The following DDX19A variants were observed in gnomAD, a reference collection of about 807,000 sequenced individuals.
DDX19A encodes ATP-dependent RNA helicase DDX19A.
DDX19A carries 12 observed loss-of-function variants against 60.6 expected under a neutral mutation model. The observed-to-expected ratio is 0.20, with a 90% CI of 0.13 to 0.32. The LOEUF (loss-of-function observed/expected upper bound fraction) is 0.32. Ranked by LOEUF, DDX19A falls within the 10% of genes least tolerant of loss-of-function variation. The pLI is 1.00. For synonymous variants in DDX19A, 206 were observed against 218.2 expected (o/e 0.94, Z 0.49); for missense variants, 337 against 600.6 (o/e 0.56, Z 4.59).
chr16:70,352,794 G>A (rs112689299), intron 2 of DDX19A, among the ~76,000 whole-genome samples: 1 of 151,838 alleles, frequency 6.6e-6, no homozygotes, highest in African/African-American at 2.4e-5. Context: ...GTGCCACCAC[G>A]CCTGGCTAAT....
At chr16:70,359,367 C>T (rs951252721) in intron 4 of DDX19A, among the ~76,000 whole-genome samples, 4 of 152,132 alleles carry the variant, frequency 2.6e-5, no homozygotes, top group East Asian at 3.9e-4. Flanking sequence ...AACCAACATA[C>T]GCCAGAGAAT....
In DDX19A at chr16:70,356,101, C is replaced by T. The variant is rs1964176647; in HGVS notation, c.158-11C>T. On this transcript the variant is annotated splice_polypyrimidine_tract_variant and intron_variant, in intron 3 of 11. Transcript: ENST00000302243. ...GATGAGTATGAAGATCTACTGGTTT[C>T]TTCCTGACAGAGGACAGAGCTGCCC... 2 of 1,613,276 alleles carry T rather than the reference C, an allele frequency of 1.2e-6. No homozygotes were observed. Among genetic ancestry groups the T allele is most frequent in the Admixed American group, 3.3e-5 (2 of 59,962 alleles).
intron 9 of DDX19A, among the ~76,000 whole-genome samples, chr16:70,369,441 G>A (rs1478213968): frequency 6.6e-6 from 1 of 151,770 alleles, no homozygotes; most frequent in Non-Finnish European, 1.5e-5. Flanking sequence ...GCCTCCCGAA[G>A]TGCTGGGATT....
chr16:70,370,121 C>T, intron 9 of DDX19A, 102 bp from the exon 10 acceptor site: 1 of 1,450,114 alleles, frequency 6.9e-7, no homozygotes, highest in Non-Finnish European at 9.1e-7. Flanking sequence ...GACTTGAGCC[C>T]AGGACTTTTT....
intron 5 of DDX19A, among the ~76,000 whole-genome samples, chr16:70,361,980 G>T (rs375225474): frequency 2.0e-5 from 3 of 151,726 alleles, no homozygotes; most frequent in African/African-American, 7.3e-5. Flanking sequence ...AGACCAGCCT[G>T]GGCAACATGG....
At chr16:70,366,500 C>T in intron 8 of DDX19A, 124 bp from the exon 9 acceptor site, 2 of 1,382,686 alleles carry the variant, frequency 1.4e-6, no homozygotes, top group Non-Finnish European at 2.0e-6. Flanking sequence ...TGCTGCTCCT[C>T]CTCCCCAAGA....
At chr16:70,347,658 G>C (rs1963876666) in intron 1 of DDX19A, among the ~76,000 whole-genome samples, 1 of 152,138 alleles carries the variant, frequency 6.6e-6, no homozygotes, top group South Asian at 2.1e-4. Flanking sequence ...CTTTAGGTTT[G>C]TTTAGTGATA....
intron 9 of DDX19A, among the ~76,000 whole-genome samples, chr16:70,369,620 C>CTT (rs139116601): frequency 6.1e-5 from 8 of 130,924 alleles, no homozygotes; most frequent in African/African-American, 8.5e-5. Context: ...TTCTTTTCTT[C>CTT]TTTTTTTTTT....
intron 4 of DDX19A, among the ~76,000 whole-genome samples, chr16:70,358,222 C>A (rs113439094): frequency 6.6e-6 from 1 of 151,766 alleles, no homozygotes. Flanking sequence ...GTAGAGACAG[C>A]GTTTCATCAT....
chr16:70,357,371 T>G (rs1259414996), intron 4 of DDX19A, among the ~76,000 whole-genome samples: 10 of 31,618 alleles, frequency 3.2e-4, no homozygotes, highest in Non-Finnish European at 5.9e-4. Flanking sequence ...GGTTTGTTTT[T>G]TTTTTTTTTT....
At chr16:70,355,677 C>A in intron 3 of DDX19A, 142 bp downstream of exon 3, 1 of 710,250 alleles carries the variant, frequency 1.4e-6, no homozygotes, top group Non-Finnish European at 2.5e-6. Context: ...GAGAACAAAA[C>A]AAGTCCGAAA....
At chr16:70,370,676 A>G (rs1964656692) in intron 10 of DDX19A, 1 of 304,786 alleles carries the variant, frequency 3.3e-6, no homozygotes, top group Admixed American at 4.6e-5. Flanking sequence ...ATCCTGGGTG[A>G]CAGAGTGAGA....
chr16:70,365,950 G>T, intron 7 of DDX19A, 135 bp from the exon 8 acceptor site: 1 of 1,346,496 alleles, frequency 7.4e-7, no homozygotes, highest in South Asian at 1.3e-5. Flanking sequence ...GACCAAGACT[G>T]AGGGGAACAC....
chr16:70,356,362 C>CT (rs374463991), intron 4 of DDX19A, 115 bp downstream of exon 4: 30,097 of 1,207,638 alleles, frequency 0.025, no homozygotes, highest in Non-Finnish European at 0.026. Context: ...GTATTTTTTC[C>CT]TTTTTTTTTT....
Position 70,372,561 on chromosome 16 carries a change from C to G in DDX19A, c.*575C>G, listed in dbSNP as rs1385840285. 2.5e-5 allele frequency: 4 copies of G among 157,804 alleles called. No homozygotes were observed. Among genetic ancestry groups the G allele is most frequent in the African/African-American group, 9.6e-5 (4 of 41,488 alleles). 9.8% of individuals were successfully genotyped at this position (157,804 alleles called of 1,614,324 possible). On this transcript the variant is annotated 3_prime_UTR_variant, in exon 12 of 12. Coordinates refer to ENST00000302243, the MANE Select transcript of DDX19A (RefSeq NM_018332.5). The stretch of plus-strand genomic sequence containing the variant: ...TCCCTTTCACTTCTGTTCTCTGCTG[C>G]AGAAAGCAGACTTGCATATCCCTGA...
chr16:70,355,383 A>T, intron 2 of DDX19A, 102 bp from the exon 3 acceptor site: 1 of 948,626 alleles, frequency 1.1e-6, no homozygotes, highest in Non-Finnish European at 1.6e-6. Context: ...TCTGAAAAAT[A>T]AAAAAATAAA....
intron 4 of DDX19A, among the ~76,000 whole-genome samples, chr16:70,359,589 C>T (rs1448604213): frequency 6.6e-6 from 1 of 152,168 alleles, no homozygotes; most frequent in Non-Finnish European, 1.5e-5. Flanking sequence ...GGTGCGGTGG[C>T]TCACGCCTGT....
At chr16:70,352,538 C>T (rs964892739) in intron 2 of DDX19A, among the ~76,000 whole-genome samples, 2 of 152,060 alleles carry the variant, frequency 1.3e-5, no homozygotes, top group Non-Finnish European at 2.9e-5. Context: ...CCGCCTCGGC[C>T]TCCCAAAGTG....
chr16:70,359,368 G>A (rs983068171), intron 4 of DDX19A, among the ~76,000 whole-genome samples: 1 of 152,118 alleles, frequency 6.6e-6, no homozygotes, highest in South Asian at 2.1e-4. Flanking sequence ...ACCAACATAC[G>A]CCAGAGAATT....
Sources: gnomAD v4.1 joint callset for allele counts (sites outside exome capture counted in the v4.1 genomes callset) on GRCh38, gnomAD v4.1.1 for gene constraint, MANE v1.5 for transcripts, NCBI Gene and HGNC (gene_info 2026-07-23, HGNC 2026-07-21) for gene names.